Variants in NPSR1 observed in about 807,000 individuals in gnomAD.
NPSR1 encodes neuropeptide S receptor.
In NPSR1, 48 loss-of-function variants were observed where a neutral mutation model predicts 46.9. The ratio of observed to expected loss-of-function variants is 1.02; its 90% CI spans 0.81 to 1.30. The LOEUF is 1.30. Ranked by LOEUF, NPSR1 falls within the 50% of genes most tolerant of loss-of-function variation. NPSR1 has a pLI of 0.00. For missense variants in NPSR1, 450 were observed against 449.5 expected, an observed-to-expected ratio of 1.00 and a Z score of -0.01; for synonymous variants, 176 against 168.1, an observed-to-expected ratio of 1.05 and a Z score of -0.36.
chr7:34,663,631 G>A (rs1339607402), intron 1 of NPSR1, among the ~76,000 whole-genome samples: 1 of 152,100 alleles, frequency 6.6e-6, no homozygotes, highest in East Asian at 1.9e-4. Flanking sequence ...ATACCCTCTT[G>A]TCATTGTCTC....
At chr7:34,728,364 C>T (rs188348205) in intron 2 of NPSR1, among the ~76,000 whole-genome samples, 30 of 152,258 alleles carry the variant, frequency 2.0e-4, no homozygotes, top group African/African-American at 5.3e-4. Flanking sequence ...ATGCTGGAGG[C>T]GGGCTGGGCT....
At chr7:34,804,013 T>C (rs1471131157) in intron 3 of NPSR1, among the ~76,000 whole-genome samples, 1 of 151,796 alleles carries the variant, frequency 6.6e-6, no homozygotes, top group Admixed American at 6.6e-5. Flanking sequence ...TTAATAATCT[T>C]CCACAAAAGA....
At chr7:34,753,171 A>G (rs1177572776) in intron 2 of NPSR1, among the ~76,000 whole-genome samples, 2 of 152,042 alleles carry the variant, frequency 1.3e-5, no homozygotes, top group Admixed American at 1.3e-4. Flanking sequence ...GACTTCACAG[A>G]GTGGGTGGAG....
At chr7:34,751,592 G>T (rs897786764) in intron 2 of NPSR1, 1 of 1,601,802 alleles carries the variant, frequency 6.2e-7, no homozygotes, top group South Asian at 1.1e-5. Context: ...TCTTCCCGGA[G>T]AACTCGGCGC....
At chr7:34,708,668 G>A (rs1794229582) in intron 2 of NPSR1, among the ~76,000 whole-genome samples, 1 of 152,194 alleles carries the variant, frequency 6.6e-6, no homozygotes, top group African/African-American at 2.4e-5. Flanking sequence ...TCCAAAGCAG[G>A]TCAGAAGATG....
chr7:34,680,082 T>G (rs565183004), intron 1 of NPSR1, among the ~76,000 whole-genome samples: 1 of 152,234 alleles, frequency 6.6e-6, no homozygotes, highest in South Asian at 2.1e-4. Context: ...AGAGAAAACC[T>G]TATTGATTTT....
rs374722434 is a variant in NPSR1, at chr7:34,666,051, T to C, written c.147+7492T>C. Among the ~76,000 whole-genome samples the C allele has an allele frequency of 5.3e-5, 8 of 152,368 alleles. No individual in the cohort carries two copies. In the East Asian group the frequency reaches 1.2e-3, roughly 22 times the overall value. On this transcript the variant is annotated intron_variant, in intron 1 of 8. Coordinates refer to ENST00000360581, the MANE Select transcript of NPSR1 (RefSeq NM_207172.2). ...TACTGCTAATATCTCAATAAGCTCA[T>C]GTGAATGAATTTGGGTAGATAAAGT...
intron 1 of NPSR1, among the ~76,000 whole-genome samples, chr7:34,660,438 T>C (rs976312141): frequency 1.2e-4 from 18 of 152,194 alleles, no homozygotes; most frequent in African/African-American, 4.3e-4. Context: ...ACAGAAATAG[T>C]TCCAATGCAA....
rs190885419 is a variant in NPSR1, at chr7:34,720,207, G to C, written c.280+35523G>C. On this transcript the variant is annotated intron_variant, in intron 2 of 8. Coordinates refer to ENST00000360581, the MANE Select transcript of NPSR1 (RefSeq NM_207172.2). ...AGGGAGGAGAATCGCTTGAACCCGG[G>C]AGGTGGATGTTGCAGTGAGCCAAGA... 9.2e-5 allele frequency among the ~76,000 whole-genome samples: 14 copies of C among 151,708 alleles called. No individual in the cohort carries two copies. The East Asian group carries it at 2.7e-3, about 29-fold the overall frequency.
chr7:34,766,015 C>T (rs1243931937), intron 2 of NPSR1, among the ~76,000 whole-genome samples: 1 of 152,060 alleles, frequency 6.6e-6, no homozygotes, highest in East Asian at 1.9e-4. Context: ...TAAGCCTGCA[C>T]ATGTACCCCC....
chr7:34,733,145 G>T (rs1469514347), intron 2 of NPSR1, among the ~76,000 whole-genome samples: 1 of 152,230 alleles, frequency 6.6e-6, no homozygotes, highest in Non-Finnish European at 1.5e-5. Flanking sequence ...ATGCAGGCCA[G>T]GTGCAGTGGC....
Position 34,658,401 on chromosome 7 carries a change from C to G in NPSR1, c.-12C>G, listed in dbSNP as rs1791284104. On this transcript the variant is annotated 5_prime_UTR_variant, in exon 1 of 9. Transcript: ENST00000360581. ...AGGAGCAAGGACAGTGAGGCTCAAC[C>G]CCGCCTGAGCCATGCCAGCCAACTT... 1 of 1,613,082 alleles carries G rather than the reference C, an allele frequency of 6.2e-7. No individual in the cohort carries two copies. Among genetic ancestry groups the G allele is most frequent in the African/African-American group, 1.3e-5 (1 of 74,914 alleles).
At chr7:34,679,509 T>C (rs978573661) in intron 1 of NPSR1, among the ~76,000 whole-genome samples, 1 of 152,138 alleles carries the variant, frequency 6.6e-6, no homozygotes, top group Admixed American at 6.5e-5. Context: ...TCCGAGTGTT[T>C]TGATAAGTTC....
chr7:34,752,085 A>C, intron 2 of NPSR1: 1 of 584,842 alleles, frequency 1.7e-6, no homozygotes, highest in Non-Finnish European at 3.1e-6. Flanking sequence ...GACGGGGAGA[A>C]GGCCTGGAAA....
intron 2 of NPSR1, chr7:34,751,633 A>G (rs72552327): frequency 6.2e-7 from 1 of 1,600,318 alleles, no homozygotes; most frequent in Non-Finnish European, 8.6e-7. Context: ...TGCCTGCTCC[A>G]AGTGGACCAG....
chr7:34,788,213 G>A (rs1340435085), intron 3 of NPSR1, among the ~76,000 whole-genome samples: 1 of 151,968 alleles, frequency 6.6e-6, no homozygotes, highest in Non-Finnish European at 1.5e-5. Flanking sequence ...CTCGTTATAA[G>A]ACATTCCTTT....
intron 2 of NPSR1, among the ~76,000 whole-genome samples, chr7:34,744,417 G>C (rs1424172086): frequency 1.3e-5 from 2 of 152,056 alleles, no homozygotes; most frequent in Non-Finnish European, 2.9e-5. Flanking sequence ...CTTGTGTCTG[G>C]TAGCAGTGGG....
intron 2 of NPSR1, among the ~76,000 whole-genome samples, chr7:34,769,277 C>T (rs1786570224): frequency 6.6e-6 from 1 of 152,110 alleles, no homozygotes; most frequent in Admixed American, 6.5e-5. Flanking sequence ...TACATTCCTA[C>T]AGTTATTTAA....
chr7:34,724,515 C>A (rs778297678), intron 2 of NPSR1, among the ~76,000 whole-genome samples: 19 of 152,206 alleles, frequency 1.2e-4, no homozygotes, highest in Non-Finnish European at 2.6e-4. Flanking sequence ...ATTCCTAGAT[C>A]TGAGGTGGGA....
Sources: allele counts gnomAD v4.1 joint callset (sites outside exome capture counted in the v4.1 genomes callset), GRCh38; gene constraint gnomAD v4.1.1; transcripts MANE v1.5; gene names NCBI Gene and HGNC (gene_info 2026-07-23, HGNC 2026-07-21).